ALK: variants seen among roughly 807,000 people sequenced by gnomAD.
ALK encodes ALK receptor tyrosine kinase, also known as ALK tyrosine kinase receptor.
A neutral mutation model predicts 163.1 loss-of-function variants in ALK; 74 were observed. That is an observed-to-expected ratio of 0.45 (90% CI 0.38 to 0.55). The LOEUF is 0.55. ALK is among the 20% of genes least tolerant of loss of function. The pLI is 0.00. For synonymous variants in ALK, 960 were observed against 843.2 expected (o/e 1.14, Z -2.40); for missense variants, 2,063 against 2,105.3 (o/e 0.98, Z 0.39).
chr2:29,805,733 C>G (rs951187009), intron 1 of ALK, among the ~76,000 whole-genome samples: 1 of 152,110 alleles, frequency 6.6e-6, no homozygotes, highest in South Asian at 2.1e-4. Flanking sequence ...TTTCTTTATC[C>G]AGTCTATCGT....
At chr2:29,230,493 C>T (rs1226062155) in intron 15 of ALK, among the ~76,000 whole-genome samples, 4 of 152,100 alleles carry the variant, frequency 2.6e-5, no homozygotes, top group South Asian at 2.1e-4. Context: ...ACGGGTGAAC[C>T]GGCCTGGCAG....
At chr2:29,229,905 G>A (rs1248285200) in intron 15 of ALK, among the ~76,000 whole-genome samples, 1 of 151,132 alleles carries the variant, frequency 6.6e-6, no homozygotes. Flanking sequence ...CCTCAGGGCT[G>A]TGCTTCCCAA....
intron 4 of ALK, among the ~76,000 whole-genome samples, chr2:29,404,091 G>A (rs910641544): frequency 6.6e-6 from 1 of 152,046 alleles, no homozygotes; most frequent in African/African-American, 2.4e-5. Flanking sequence ...ATCGTCTGAG[G>A]TTAAGAGTTT....
intron 3 of ALK, among the ~76,000 whole-genome samples, chr2:29,665,748 T>C (rs1432787156): frequency 6.6e-6 from 1 of 152,116 alleles, no homozygotes; most frequent in Non-Finnish European, 1.5e-5. Context: ...ATTGTTTGCT[T>C]CAACAGGGCT....
intron 4 of ALK, among the ~76,000 whole-genome samples, chr2:29,482,154 A>C (rs4299297): frequency 0.73 from 110,263 of 152,066 alleles, 40,286 homozygotes; most frequent in South Asian, 0.82. Flanking sequence ...GGGAATGAAA[A>C]CCCTAGTAGC....
intron 5 of ALK, among the ~76,000 whole-genome samples, chr2:29,329,846 A>G (rs6742761): frequency 0.28 from 43,079 of 152,102 alleles, 6,259 homozygotes; most frequent in South Asian, 0.35. Context: ...TGAGGAAACT[A>G]GACAGGTCTT....
intron 3 of ALK, among the ~76,000 whole-genome samples, chr2:29,588,962 G>A (rs1657405329): frequency 6.6e-6 from 1 of 152,116 alleles, no homozygotes; most frequent in Non-Finnish European, 1.5e-5. Flanking sequence ...CAAGCCCCTC[G>A]CTCCCCTCCG....
At chr2:29,360,188 A>G (rs972173936) in intron 5 of ALK, among the ~76,000 whole-genome samples, 1 of 152,120 alleles carries the variant, frequency 6.6e-6, no homozygotes, top group Admixed American at 6.5e-5. Flanking sequence ...CCTTCTTCCT[A>G]AGGGCCAAGA....
chr2:29,914,101 C>G (rs182002273), intron 1 of ALK, among the ~76,000 whole-genome samples: 1 of 152,110 alleles, frequency 6.6e-6, no homozygotes, highest in East Asian at 1.9e-4. Context: ...AACTGGATTG[C>G]GAATATGCTG....
intron 1 of ALK, among the ~76,000 whole-genome samples, chr2:29,869,395 C>T (rs1032948719): frequency 5.3e-5 from 8 of 152,098 alleles, no homozygotes; most frequent in African/African-American, 1.9e-4. Flanking sequence ...TATCCCTTGA[C>T]CTAATAACTA....
chr2:29,553,821 C>T (rs1363312465), intron 3 of ALK, among the ~76,000 whole-genome samples: 1 of 152,100 alleles, frequency 6.6e-6, no homozygotes, highest in Admixed American at 6.5e-5. Flanking sequence ...TGAGTCATTT[C>T]CCCATATGTT....
intron 1 of ALK, among the ~76,000 whole-genome samples, chr2:29,789,422 A>C (rs1664131821): frequency 6.6e-6 from 1 of 152,246 alleles, no homozygotes; most frequent in African/African-American, 2.4e-5. Flanking sequence ...GATTCTGTCC[A>C]GTGAACTGAC....
At chr2:29,731,769 G>T (rs556500540) in intron 1 of ALK, among the ~76,000 whole-genome samples, 32 of 152,310 alleles carry the variant, frequency 2.1e-4, no homozygotes, top group African/African-American at 7.5e-4. Flanking sequence ...AAGAGAAGCA[G>T]TCAGGACTAA....
At chr2:29,676,631 C>T (rs536213996) in intron 3 of ALK, among the ~76,000 whole-genome samples, 2 of 152,062 alleles carry the variant, frequency 1.3e-5, no homozygotes, top group Admixed American at 1.3e-4. Context: ...AATATTGTGT[C>T]TATTCCAGGT....
chr2:29,649,253 C>CGT (rs141701874), intron 3 of ALK, among the ~76,000 whole-genome samples: 12 of 138,368 alleles, frequency 8.7e-5, no homozygotes, highest in East Asian at 4.0e-4. Context: ...AAAGTGCGTG[C>CGT]GTGTGTGTGT....
intron 1 of ALK, among the ~76,000 whole-genome samples, chr2:29,731,538 A>G (rs1170714505): frequency 6.6e-6 from 1 of 152,216 alleles, no homozygotes; most frequent in East Asian, 1.9e-4. Flanking sequence ...TCTGGGCAGC[A>G]TCGGGACAGG....
chr2:29,818,464 C>T (rs1326605915), intron 1 of ALK, among the ~76,000 whole-genome samples: 1 of 152,240 alleles, frequency 6.6e-6, no homozygotes, highest in African/African-American at 2.4e-5. Context: ...AGAGGAAGCC[C>T]GGCCCGGCGC....
intron 1 of ALK, 144 bp from the exon 2 acceptor site, chr2:29,717,841 A>T: frequency 1.0e-6 from 1 of 994,360 alleles, no homozygotes; most frequent in Non-Finnish European, 1.6e-6. Flanking sequence ...TTGAGCCACC[A>T]GTAGACTGAG....
At chr2:29,607,107 ATTG>A (rs1388238152) in intron 3 of ALK, among the ~76,000 whole-genome samples, 2 of 152,132 alleles carry the variant, frequency 1.3e-5, no homozygotes, top group African/African-American at 4.8e-5. Context: ...TTGATTTTCT[ATTG>A]TTTTTTCTAA....
Sources: gnomAD v4.1 joint callset for allele counts (sites outside exome capture counted in the v4.1 genomes callset) on GRCh38, gnomAD v4.1.1 for gene constraint, MANE v1.5 for transcripts, NCBI Gene and HGNC (gene_info 2026-07-23, HGNC 2026-07-21) for gene names.